HELLS: variants seen among roughly 807,000 people sequenced by gnomAD.
HELLS encodes the protein lymphoid-specific helicase.
A neutral mutation model predicts 120.0 loss-of-function variants in HELLS; 32 were observed. The observed-to-expected ratio is 0.27, with a 90% confidence interval of 0.20 to 0.36. The LOEUF is 0.36. Among genes scored for constraint, HELLS ranks in the 10% least tolerant of loss-of-function variants. HELLS has a pLI of 1.00. For synonymous variants in HELLS, 341 were observed against 323.4 expected (o/e 1.05, Z -0.58); for missense variants, 650 against 993.4 (o/e 0.65, Z 4.65).
chr10:94,581,773 T>C (rs1476232414), intron 11 of HELLS, among the ~76,000 whole-genome samples: 1 of 152,206 alleles, frequency 6.6e-6, no homozygotes, highest in Non-Finnish European at 1.5e-5. Flanking sequence ...ATAAGGTTCT[T>C]TTATGTGTTA....
chr10:94,572,727 G>T (rs1488900182), intron 7 of HELLS, among the ~76,000 whole-genome samples: 2 of 152,130 alleles, frequency 1.3e-5, no homozygotes, highest in African/African-American at 2.4e-5. Context: ...TGGCAAATGT[G>T]TGTTCATAAG....
rs192206585 is a variant in HELLS at position 94,588,143 on chromosome 10, A to G, written c.1327-86A>G. On this transcript the variant is annotated intron_variant, in intron 12 of 21. Coordinates refer to ENST00000348459, the MANE Select transcript of HELLS (RefSeq NM_018063.5). ...TTATTTATATAGGAAGTCAAAAGAT[A>G]AGGTAAAGGAGTATATGGGGACAGT... 5.4e-5 allele frequency: 34 copies of G among 630,434 alleles called. No homozygotes were observed. In the Admixed American group the frequency reaches 1.1e-3, roughly 20 times the overall value. 39.1% of individuals were successfully genotyped at this position (630,434 alleles called of 1,614,324 possible).
chr10:94,554,359 C>A, intron 3 of HELLS, 111 bp downstream of exon 3: 1 of 746,574 alleles, frequency 1.3e-6, no homozygotes, highest in Non-Finnish European at 2.0e-6. Flanking sequence ...GTACGGTTTG[C>A]TGAGTTTTGA....
intron 17 of HELLS, among the ~76,000 whole-genome samples, chr10:94,592,808 C>A (rs1006933104): frequency 6.7e-6 from 1 of 149,686 alleles, no homozygotes; most frequent in Non-Finnish European, 1.5e-5. Context: ...CCTCAACTTT[C>A]TATTATGAAA....
At chr10:94,603,870 C>A (rs1473103503), downstream of HELLS, among the ~76,000 whole-genome samples, 1 of 151,988 alleles carries the variant, frequency 6.6e-6, no homozygotes, top group South Asian at 2.1e-4. Flanking sequence ...CACTGTCGCC[C>A]AGGCTGGAGT....
intron 10 of HELLS, among the ~76,000 whole-genome samples, chr10:94,580,117 GTATATATATATATATATATATA>G (rs58984411): frequency 0.053 from 3,484 of 65,464 alleles, 118 homozygotes; most frequent in Middle Eastern, 0.086. Context: ...CATTATAAAA[GTATATATATATATATATATATA>G]TATATATATA....
At position 94,563,040 on chromosome 10, in the gene HELLS, C is replaced by T. The variant is rs547905853; in HGVS notation, c.435+164C>T. On this transcript the variant is annotated intron_variant, in intron 6 of 21. Coordinates refer to ENST00000348459, the MANE Select transcript of HELLS (RefSeq NM_018063.5). ...GGTGAAGCTGCCAAAATGTTTGAAGCTATCTACCAACCTACAGTAGACTTG... is the reference window on the plus strand; with the variant it reads ...GGTGAAGCTGCCAAAATGTTTGAAGTTATCTACCAACCTACAGTAGACTTG... Among the ~76,000 whole-genome samples, 25 of 151,550 alleles carry T rather than the reference C, an allele frequency of 1.6e-4. 1 individual carries two copies. Among genetic ancestry groups the T allele is most frequent in the Non-Finnish European group, 2.8e-4 (19 of 67,826 alleles).
At chr10:94,598,818 T>C (rs1845876720) in intron 21 of HELLS, among the ~76,000 whole-genome samples, 1 of 152,098 alleles carries the variant, frequency 6.6e-6, no homozygotes. Context: ...ATATTTTCTT[T>C]TAATAGTTTT....
intron 8 of HELLS, 141 bp downstream of exon 8, chr10:94,574,328 T>A (rs1473968815): frequency 5.6e-6 from 4 of 720,518 alleles, no homozygotes; most frequent in Non-Finnish European, 9.1e-6. Flanking sequence ...TCTGATTTCT[T>A]TACCCTGAAT....
intron 2 of HELLS, among the ~76,000 whole-genome samples, chr10:94,553,047 T>C (rs1211578724): frequency 1.3e-5 from 2 of 152,154 alleles, no homozygotes; most frequent in African/African-American, 4.8e-5. Flanking sequence ...TTTTCTAAAA[T>C]GTTCTATCCA....
chr10:94,612,953 A>C (rs1846209039), exon 10 of HELLS: 1 of 152,138 alleles, frequency 6.6e-6, no homozygotes, highest in Non-Finnish European at 1.5e-5. Flanking sequence ...TGTATATTTG[A>C]CAACTTGGTA....
intron 6 of HELLS, chr10:94,569,203 G>T (rs1453833670): frequency 6.8e-6 from 1 of 146,334 alleles, no homozygotes; most frequent in Non-Finnish European, 1.5e-5. Context: ...TTTTTCTTAA[G>T]GTGGAGTCTC....
chr10:94,545,899 G>A lies in HELLS; in HGVS notation c.-23G>A. 1.3e-6 allele frequency: 2 copies of A among 1,552,952 alleles called. No homozygotes were observed. Among genetic ancestry groups the A allele is most frequent in the Non-Finnish European group, 1.7e-6 (2 of 1,147,570 alleles). On this transcript the variant is annotated 5_prime_UTR_variant, in exon 1 of 22. Transcript: ENST00000348459. ...TGCAGGCTCTGAGAGGAGGGGACCC[G>A]GTTCCCGGGTGAGTGTCCAGGCATG... is the stretch of plus-strand genomic sequence containing the variant.
intron 2 of HELLS, among the ~76,000 whole-genome samples, chr10:94,551,808 C>T (rs1009830121): frequency 9.3e-5 from 14 of 151,150 alleles, no homozygotes; most frequent in Non-Finnish European, 7.4e-5. Flanking sequence ...GGCGCGATCT[C>T]GGCTCACTGC....
chr10:94,597,063 A>G lies in HELLS; in HGVS notation c.2374A>G (p.Ile792Val). ...REIKGSREKV[I>V]SDKDLELLLD... ...AATAAAAGGATCAAGAGAGAAGGTC[A>G]TTAGTGATAAAGATCTAGAGTTGTT... The change falls in exon 21 of 22, where the codon ATT becomes GTT. Residue 792 changes from isoleucine (I) to valine (V), a missense_variant. Physicochemically the swap from Ile to Val is conservative, Grantham distance 29 (BLOSUM62 3). Coordinates refer to ENST00000348459, the MANE Select transcript of HELLS (RefSeq NM_018063.5). The G allele has an allele frequency of 1.3e-6, 2 of 1,598,254 alleles. No homozygotes were observed. Among genetic ancestry groups the G allele is most frequent in the South Asian group, 1.1e-5 (1 of 90,472 alleles).
Position 94,574,064 on chromosome 10 carries a change from T to A in HELLS, c.582T>A (p.Asn194Lys). 1 of 1,612,914 alleles carries A rather than the reference T, an allele frequency of 6.2e-7. No individual in the cohort carries two copies. The highest frequency in any genetic ancestry group is 8.5e-7 in the Non-Finnish European group (1 of 1,178,912). Residue 194 changes from asparagine to lysine, a missense_variant, in exon 8 of 22, where the codon AAT becomes AAA. Transcript: ENST00000348459. ...KDRLSETVRQ[N>K]TKFFFDPVRK... is the part of the protein sequence containing the mutation. Reference sequence around the variant, plus strand: ...GATTGTCTGAAACGGTTAGGCAGAATACTAAATTCTTTTTTGACCCAGTCC... The same window carrying A: ...GATTGTCTGAAACGGTTAGGCAGAAAACTAAATTCTTTTTTGACCCAGTCC...
downstream of HELLS, among the ~76,000 whole-genome samples, chr10:94,606,512 A>T (rs533324765): frequency 1.9e-4 from 27 of 139,378 alleles, no homozygotes; most frequent in East Asian, 4.1e-4. Flanking sequence ...CAGATAATTT[A>T]AAAAAAAAAA....
chr10:94,593,054 A>C (rs573508995), intron 17 of HELLS, among the ~76,000 whole-genome samples: 2 of 152,346 alleles, frequency 1.3e-5, no homozygotes, highest in East Asian at 1.9e-4. Flanking sequence ...AAATTTACAC[A>C]TACTGAAGCA....
intron 10 of HELLS, chr10:94,577,069 G>C (rs1447729552): frequency 3.6e-6 from 2 of 553,684 alleles, no homozygotes; most frequent in Non-Finnish European, 6.7e-6. Context: ...CCTAATCTCG[G>C]AATGTATTAC....
Sources: allele counts gnomAD v4.1 joint callset (sites outside exome capture counted in the v4.1 genomes callset), GRCh38; gene constraint gnomAD v4.1.1; transcripts MANE v1.5; gene names NCBI Gene and HGNC (gene_info 2026-07-23, HGNC 2026-07-21).